Variants in FRMD5 observed in about 807,000 individuals in gnomAD.
FRMD5 encodes FERM domain-containing protein 5.
FRMD5 carries 20 observed loss-of-function variants against 69.0 expected under a neutral mutation model. That is an observed-to-expected ratio of 0.29 (90% CI 0.20 to 0.42). The LOEUF (loss-of-function observed/expected upper bound fraction) is 0.42. Ranked by LOEUF, FRMD5 falls within the 10% of genes least tolerant of loss-of-function variation. The pLI, the probability that FRMD5 is intolerant of heterozygous loss-of-function variation, is 1.00. For synonymous variants in FRMD5, 271 were observed against 260.1 expected (o/e 1.04, Z -0.40); for missense variants, 595 against 708.6 (o/e 0.84, Z 1.82).
intron 4 of FRMD5, chr15:43,917,866 C>G (rs985317001): frequency 6.6e-6 from 1 of 152,302 alleles, no homozygotes; most frequent in African/African-American, 2.4e-5. Flanking sequence ...TAGCTACACT[C>G]TTCACTGTCT....
upstream of FRMD5, among the ~76,000 whole-genome samples, chr15:44,198,560 C>T (rs918689769): frequency 6.6e-6 from 1 of 151,968 alleles, no homozygotes; most frequent in Non-Finnish European, 1.5e-5. Context: ...TGAGAAGAAG[C>T]ATAAGGAGAA....
intron 1 of FRMD5, among the ~76,000 whole-genome samples, chr15:44,026,845 C>T (rs996623434): frequency 6.6e-5 from 10 of 152,198 alleles, no homozygotes; most frequent in African/African-American, 2.4e-4. Context: ...CATGTGTGCA[C>T]AGATTAGCTA....
chr15:43,903,949 G>A (rs1263997775), intron 6 of FRMD5, among the ~76,000 whole-genome samples: 2 of 152,194 alleles, frequency 1.3e-5, no homozygotes, highest in Non-Finnish European at 2.9e-5. Flanking sequence ...TGTTTATTCT[G>A]ATTTTTACCA....
chr15:43,874,347 A>T lies in FRMD5; in HGVS notation c.1251T>A (p.Ala417=). The T allele has an allele frequency of 6.2e-7, 1 of 1,614,204 alleles. No homozygotes were observed. Among genetic ancestry groups the T allele is most frequent in the Non-Finnish European group, 8.5e-7 (1 of 1,180,032 alleles). The change falls in exon 14 of 14, where the codon GCT becomes GCA. Residue 417 remains alanine (A), a synonymous_variant. Transcript: ENST00000417257. ...GGCTGTAGGCCTCGTCTGCAATCAC[A>T]GCTACTCGCTCATTGCTATCTGTCC... ...SSRTDSNERV[A]VIADEAYSPA...
At chr15:44,047,186 G>A (rs1892464409) in intron 1 of FRMD5, among the ~76,000 whole-genome samples, 2 of 152,126 alleles carry the variant, frequency 1.3e-5, no homozygotes, top group Admixed American at 1.3e-4. Context: ...GCGGGTGCCT[G>A]TAATCCCAGC....
chr15:44,115,450 C>T (rs748148935), intron 1 of FRMD5, among the ~76,000 whole-genome samples: 16 of 152,200 alleles, frequency 1.1e-4, no homozygotes, highest in African/African-American at 2.6e-4. Flanking sequence ...GCTGGAAATG[C>T]GTTTCTTTAC....
intron 1 of FRMD5, among the ~76,000 whole-genome samples, chr15:44,002,569 G>A (rs1307355797): frequency 6.6e-6 from 1 of 152,038 alleles, no homozygotes; most frequent in African/African-American, 2.4e-5. Context: ...CTCTAAGGGG[G>A]TCCGCGTGAG....
At chr15:44,011,489 A>C (rs905858636) in intron 1 of FRMD5, among the ~76,000 whole-genome samples, 1 of 152,160 alleles carries the variant, frequency 6.6e-6, no homozygotes, top group Non-Finnish European at 1.5e-5. Context: ...CGGACAGATG[A>C]TGTGTGGTTC....
At chr15:43,989,619 G>C in intron 1 of FRMD5, 2 of 863,510 alleles carry the variant, frequency 2.3e-6, no homozygotes, top group Non-Finnish European at 4.0e-6. Context: ...ACCTTCATGA[G>C]GTAGTCAGTC....
chr15:44,034,837 T>C (rs565264420), intron 1 of FRMD5, among the ~76,000 whole-genome samples: 26 of 152,302 alleles, frequency 1.7e-4, no homozygotes, highest in Non-Finnish European at 1.0e-4. Flanking sequence ...AGGCTCATTC[T>C]AGCCCTAACC....
chr15:44,013,578 G>A (rs1230170656), intron 1 of FRMD5, among the ~76,000 whole-genome samples: 1 of 152,152 alleles, frequency 6.6e-6, no homozygotes, highest in Non-Finnish European at 1.5e-5. Context: ...ATACTATTCT[G>A]AAAGTAATAC....
chr15:44,154,855 G>T (rs2077502005), intron 1 of FRMD5, among the ~76,000 whole-genome samples: 1 of 152,130 alleles, frequency 6.6e-6, no homozygotes, highest in South Asian at 2.1e-4. Context: ...AAATTGTGGT[G>T]ATAGATGTAC....
intron 1 of FRMD5, among the ~76,000 whole-genome samples, chr15:43,995,622 G>C (rs1264203377): frequency 6.6e-6 from 1 of 152,046 alleles, no homozygotes; most frequent in Non-Finnish European, 1.5e-5. Flanking sequence ...TATGGGGACT[G>C]GCCTGGAGCC....
intron 1 of FRMD5, among the ~76,000 whole-genome samples, chr15:43,953,201 G>C (rs542989094): frequency 1.1e-4 from 16 of 152,356 alleles, no homozygotes; most frequent in African/African-American, 3.6e-4. Flanking sequence ...GGACTTAGCA[G>C]CATAGTCTTG....
intron 1 of FRMD5, among the ~76,000 whole-genome samples, chr15:44,060,270 C>G (rs1450047569): frequency 6.6e-6 from 1 of 152,198 alleles, no homozygotes; most frequent in Non-Finnish European, 1.5e-5. Flanking sequence ...CGAGGGAAGA[C>G]AGCATGCAAA....
At chr15:43,929,270 T>C (rs923221894) in intron 1 of FRMD5, among the ~76,000 whole-genome samples, 6 of 152,192 alleles carry the variant, frequency 3.9e-5, no homozygotes, top group African/African-American at 1.2e-4. Flanking sequence ...TTAAGGTTAA[T>C]TGCATTTTCT....
In FRMD5 at chr15:43,894,447, G is replaced by A. The variant is rs185556144; in HGVS notation, c.640-2378C>T. ...ATGAAGGTGTTAGACAGTGGGGTGG[G>A]TCAGAGGGGCCAGTCTGGCTGCAGT... On this transcript the variant is annotated intron_variant, in intron 7 of 13. Transcript: ENST00000417257. Among the ~76,000 whole-genome samples the A allele has an allele frequency of 7.2e-5, 11 of 152,198 alleles. No individual in the cohort carries two copies. In the East Asian group the frequency reaches 2.1e-3, roughly 29 times the overall value.
intron 1 of FRMD5, among the ~76,000 whole-genome samples, chr15:44,080,525 G>A (rs1314407022): frequency 6.6e-6 from 1 of 152,036 alleles, no homozygotes; most frequent in Non-Finnish European, 1.5e-5. Flanking sequence ...GGTCCAAAAG[G>A]CAGTTGACTA....
intron 1 of FRMD5, among the ~76,000 whole-genome samples, chr15:43,956,739 G>A (rs1207347530): frequency 6.6e-6 from 1 of 152,200 alleles, no homozygotes; most frequent in African/African-American, 2.4e-5. Context: ...CTGCTCATAT[G>A]TACGTGTGTC....
Sources: gnomAD v4.1 joint callset for allele counts (sites outside exome capture counted in the v4.1 genomes callset) on GRCh38, gnomAD v4.1.1 for gene constraint, MANE v1.5 for transcripts, NCBI Gene and HGNC (gene_info 2026-07-23, HGNC 2026-07-21) for gene names.